Variants in SETBP1 observed in about 807,000 individuals in gnomAD.
SETBP1 encodes the protein SET binding protein 1, also known as SET-binding protein.
In SETBP1, 9 loss-of-function variants were observed where a neutral mutation model predicts 101.0. The ratio of observed to expected loss-of-function variants is 0.09; its 90% CI spans 0.05 to 0.16. The LOEUF is 0.16. Ranked by LOEUF, SETBP1 falls within the 10% of genes least tolerant of loss-of-function variation. The pLI, the probability that SETBP1 is intolerant of heterozygous loss-of-function variation, is 1.00. For synonymous variants in SETBP1, 818 were observed against 788.5 expected (o/e 1.04, Z -0.63); for missense variants, 1,858 against 2,033.8 (o/e 0.91, Z 1.66).
intron 2 of SETBP1, among the ~76,000 whole-genome samples, chr18:44,831,889 C>G (rs2072378373): frequency 6.6e-6 from 1 of 152,146 alleles, no homozygotes; most frequent in African/African-American, 2.4e-5. Context: ...CTTAGGGTGT[C>G]CTTGACCTTC....
chr18:44,968,481 A>G (rs2071770772), intron 4 of SETBP1, among the ~76,000 whole-genome samples: 1 of 152,114 alleles, frequency 6.6e-6, no homozygotes, highest in Non-Finnish European at 1.5e-5. Flanking sequence ...ACCTGGGGGG[A>G]AGCCAGCTAA....
intron 5 of SETBP1, among the ~76,000 whole-genome samples, chr18:45,048,765 G>A (rs1199645269): frequency 1.3e-5 from 2 of 151,366 alleles, no homozygotes; most frequent in African/African-American, 4.9e-5. Context: ...GAGGTCAGGA[G>A]ATCGAGACCA....
intron 2 of SETBP1, among the ~76,000 whole-genome samples, chr18:44,833,044 T>C (rs1369652543): frequency 6.6e-6 from 1 of 152,180 alleles, no homozygotes; most frequent in Non-Finnish European, 1.5e-5. Flanking sequence ...ATGGAAAGTG[T>C]CTGCTCTGAT....
At chr18:44,914,612 CA>C (rs1451725485) in intron 3 of SETBP1, among the ~76,000 whole-genome samples, 1 of 152,050 alleles carries the variant, frequency 6.6e-6, no homozygotes, top group Non-Finnish European at 1.5e-5. Flanking sequence ...TCTATGTAAT[CA>C]AATGATGGTG....
At chr18:44,800,026 C>G (rs2071570793) in intron 2 of SETBP1, among the ~76,000 whole-genome samples, 1 of 152,190 alleles carries the variant, frequency 6.6e-6, no homozygotes, top group Admixed American at 6.5e-5. Flanking sequence ...CTGTTCATGA[C>G]TGACAAATCA....
At chr18:44,965,260 G>C (rs2071694908) in intron 4 of SETBP1, among the ~76,000 whole-genome samples, 1 of 132,650 alleles carries the variant, frequency 7.5e-6, no homozygotes, top group Admixed American at 8.3e-5. Context: ...ACATACAACA[G>C]ACAGAGACAG....
chr18:44,802,081 A>G (rs912394916), intron 2 of SETBP1, among the ~76,000 whole-genome samples: 26 of 152,288 alleles, frequency 1.7e-4, no homozygotes, highest in African/African-American at 6.3e-4. Context: ...TCTGCCAGGC[A>G]GAAATAATTG....
At chr18:44,839,596 T>C (rs775796071) in intron 2 of SETBP1, among the ~76,000 whole-genome samples, 29 of 152,340 alleles carry the variant, frequency 1.9e-4, no homozygotes, top group South Asian at 8.3e-4. Context: ...GCACTGGAAA[T>C]AACACCAAGG....
At position 44,952,466 on chromosome 18, in the gene SETBP1, T is replaced by C; in HGVS notation, c.3126T>C (p.Ile1042=). The change falls in exon 4 of 6, where the codon ATT becomes ATC. Residue 1042 remains isoleucine (I), a synonymous_variant. Coordinates refer to ENST00000649279, the MANE Select transcript of SETBP1 (RefSeq NM_015559.3). The stretch of plus-strand genomic sequence containing the variant: ...TTTTACAAGGGTTCAGCTACCCTAT[T>C]CCCAGTGGAAGTTACTATGCACCCT... ...VPFLQGFSYP[I]PSGSYYAPYG... is the part of the protein sequence containing the mutation. 1.9e-6 allele frequency: 3 copies of C among 1,614,122 alleles called. No homozygotes were observed. The highest frequency in any genetic ancestry group is 2.5e-6 in the Non-Finnish European group (3 of 1,180,032).
intron 4 of SETBP1, among the ~76,000 whole-genome samples, chr18:45,012,684 A>T (rs1162106760): frequency 1.3e-5 from 2 of 152,140 alleles, no homozygotes; most frequent in African/African-American, 4.8e-5. Context: ...CTCAGCCATA[A>T]AAAAAATAAA....
intron 2 of SETBP1, among the ~76,000 whole-genome samples, chr18:44,859,769 T>A (rs146758223): frequency 6.6e-6 from 1 of 152,184 alleles, no homozygotes; most frequent in East Asian, 1.9e-4. Flanking sequence ...AGGTGGGCTT[T>A]CTGGAGGAGA....
intron 2 of SETBP1, among the ~76,000 whole-genome samples, chr18:44,834,130 G>T (rs538847121): frequency 6.6e-6 from 1 of 152,296 alleles, no homozygotes; most frequent in African/African-American, 2.4e-5. Flanking sequence ...TCCTCATTTA[G>T]CATGAGATAA....
rs557830819 is a variant in SETBP1 at position 44,961,895 on chromosome 18, C to T, written c.4000+8555C>T. ...CAAGTTCGAATAAATGGTTCTGTTA[C>T]TGAGCCATGTACAAAGGATTATAGA... On this transcript the variant is annotated intron_variant, in intron 4 of 5. Transcript: ENST00000649279. 2.6e-5 allele frequency among the ~76,000 whole-genome samples: 4 copies of T among 152,274 alleles called. No individual in the cohort carries two copies. The South Asian group carries it at 8.3e-4, about 32-fold the overall frequency.
intron 3 of SETBP1, among the ~76,000 whole-genome samples, chr18:44,939,428 A>C (rs2071037930): frequency 6.6e-6 from 1 of 152,120 alleles, no homozygotes; most frequent in African/African-American, 2.4e-5. Context: ...GGGTGTGTCC[A>C]TGGTTTGTTC....
At chr18:44,806,232 A>G (rs1270526137) in intron 2 of SETBP1, among the ~76,000 whole-genome samples, 1 of 152,186 alleles carries the variant, frequency 6.6e-6, no homozygotes, top group Non-Finnish European at 1.5e-5. Flanking sequence ...TTTTTAAAAA[A>G]TCTGTTTTCC....
intron 4 of SETBP1, among the ~76,000 whole-genome samples, chr18:45,029,213 TTCAGCTTTC>T (rs1344383779): frequency 1.3e-5 from 2 of 152,176 alleles, no homozygotes; most frequent in Non-Finnish European, 2.9e-5. Context: ...GGGATCCAGT[TTCAGCTTTC>T]TACATATGGC....
At chr18:44,990,966 A>G (rs2072359987) in intron 4 of SETBP1, among the ~76,000 whole-genome samples, 1 of 151,314 alleles carries the variant, frequency 6.6e-6, no homozygotes, top group African/African-American at 2.4e-5. Context: ...AAAAGAAGAA[A>G]CGGGATGGGA....
intron 4 of SETBP1, among the ~76,000 whole-genome samples, chr18:45,004,378 T>C (rs2072681982): frequency 6.6e-6 from 1 of 152,230 alleles, no homozygotes; most frequent in Non-Finnish European, 1.5e-5. Flanking sequence ...TTGGGTGTGA[T>C]GCATCCTTTC....
chr18:44,938,249 C>T (rs534539198), intron 3 of SETBP1, among the ~76,000 whole-genome samples: 3 of 152,316 alleles, frequency 2.0e-5, no homozygotes, highest in East Asian at 1.9e-4. Flanking sequence ...CCACCAGGAG[C>T]GTCCTGAGAC....
Sources: gnomAD v4.1 joint callset for allele counts (sites outside exome capture counted in the v4.1 genomes callset) on GRCh38, gnomAD v4.1.1 for gene constraint, MANE v1.5 for transcripts, NCBI Gene and HGNC (gene_info 2026-07-23, HGNC 2026-07-21) for gene names.